PNPLA7: variants seen among roughly 807,000 people sequenced by gnomAD.
PNPLA7 encodes the protein patatin-like phospholipase domain-containing protein 7.
In PNPLA7, 153 loss-of-function variants were observed where a neutral mutation model predicts 161.7. The ratio of observed to expected loss-of-function variants is 0.95; its 90% CI spans 0.83 to 1.08. The LOEUF is 1.08. Among genes scored for constraint, PNPLA7 ranks in the 50% least tolerant of loss-of-function variants. PNPLA7 has a pLI of 0.00. For synonymous variants in PNPLA7, 809 were observed against 782.1 expected (o/e 1.03, Z -0.57); for missense variants, 1,739 against 1,856.6 (o/e 0.94, Z 1.16).
At chr9:137,522,309 C>CT in intron 9 of PNPLA7, among the ~76,000 whole-genome samples, 1 of 145,470 alleles carries the variant, frequency 6.9e-6, no homozygotes, top group Non-Finnish European at 1.5e-5. Flanking sequence ...CTCCTGACCT[C>CT]GTGATCCGCC....
Position 137,524,779 on chromosome 9 carries a change from C to T in PNPLA7, c.748-1922G>A, listed in dbSNP as rs553754972. ...CCGTGGAATGAGTTTCCGTGGATGC[C>T]CCGTGGAATGGGTTTCCGTGGATGC... On this transcript the variant is annotated intron_variant, in intron 8 of 34. Transcript: ENST00000406427. The surrounding 1 kb of genome is among the most constrained non-coding windows in gnomAD (Gnocchi z 4.4). 1.3e-5 allele frequency among the ~76,000 whole-genome samples: 2 copies of T among 151,984 alleles called. No homozygotes were observed. Among genetic ancestry groups the T allele is most frequent in the South Asian group, 4.2e-4 (2 of 4,802 alleles).
At chr9:137,478,798 C>G (rs573780689) in intron 24 of PNPLA7, 193 of 441,654 alleles carry the variant, frequency 4.4e-4, no homozygotes, top group Middle Eastern at 2.5e-3. Context: ...TCAGGCCCAT[C>G]CCCGGGGTTC....
chr9:137,529,721 G>C (rs749482780), intron 8 of PNPLA7, among the ~76,000 whole-genome samples: 18 of 146,572 alleles, frequency 1.2e-4, no homozygotes, highest in African/African-American at 4.1e-4. Flanking sequence ...GTAGTGGCAC[G>C]ATCTCGGCTC....
rs1380330345 is a variant in PNPLA7 at position 137,543,621 on chromosome 9, AC to A, written c.366-50del. The stretch of plus-strand genomic sequence containing the variant: ...CTTGAGCAGACCAGGCGGGTTCGAA[AC>A]CCACAGCATCAGTGGCTGACACACC... On this transcript the variant is annotated intron_variant, in intron 5 of 34. Coordinates refer to ENST00000406427, the MANE Select transcript of PNPLA7 (RefSeq NM_001098537.3). The surrounding 1 kb of genome is among the most constrained non-coding windows in gnomAD (Gnocchi z 6.9). 3 of 1,606,650 alleles carry A rather than the reference AC, an allele frequency of 1.9e-6. No homozygotes were observed. The highest frequency in any genetic ancestry group is 1.7e-6 in the Non-Finnish European group (2 of 1,175,728).
chr9:137,484,369 A>G (rs1271379472), intron 21 of PNPLA7, among the ~76,000 whole-genome samples: 1 of 152,254 alleles, frequency 6.6e-6, no homozygotes, highest in Non-Finnish European at 1.5e-5. Flanking sequence ...ATATAGAATA[A>G]CTTAGAATTT....
intron 25 of PNPLA7, among the ~76,000 whole-genome samples, chr9:137,471,694 C>T (rs141735088): frequency 6.6e-6 from 1 of 151,976 alleles, no homozygotes; most frequent in East Asian, 1.9e-4. Context: ...GACCTCTACA[C>T]TGAAGACCGC....
rs754006148 is a variant in PNPLA7, at chr9:137,460,652, G to A, written c.3927C>T (p.Ala1309=). The A allele has an allele frequency of 6.2e-7, 1 of 1,612,718 alleles. No homozygotes were observed. The stretch of plus-strand genomic sequence containing the variant: ...TCCTCACCAAGTCTGAGCCCTGCTG[G>A]GCTGAGGTGCTCTGGAAGTCTGCGT... ...DAYADFQSTS[A]QQGSDLEDES... is the part of the protein sequence containing the mutation. Residue 1309 remains alanine (A), a synonymous_variant, in exon 34 of 35, where the codon GCC becomes GCT. Transcript: ENST00000406427.
At chr9:137,522,598 C>A in intron 9 of PNPLA7, 131 bp downstream of exon 9, 1 of 1,017,320 alleles carries the variant, frequency 9.8e-7, no homozygotes, top group East Asian at 2.4e-5. Flanking sequence ...TCTGAAATCA[C>A]CTTCATGGCT....
chr9:137,550,071 A>T (rs1332058614), intron 1 of PNPLA7, 97 bp downstream of exon 1: 1 of 1,485,372 alleles, frequency 6.7e-7, no homozygotes, highest in Non-Finnish European at 9.4e-7. Flanking sequence ...ACGGGGCCAA[A>T]GAGCGCGGCA....
At chr9:137,472,933 C>T (rs1332690076) in intron 25 of PNPLA7, among the ~76,000 whole-genome samples, 3 of 149,976 alleles carry the variant, frequency 2.0e-5, no homozygotes, top group Non-Finnish European at 3.0e-5. Flanking sequence ...CCAGCCTGGG[C>T]GACAGAGCAA....
intron 8 of PNPLA7, among the ~76,000 whole-genome samples, chr9:137,532,558 A>G (rs1008619372): frequency 2.6e-5 from 4 of 152,244 alleles, no homozygotes; most frequent in Non-Finnish European, 5.9e-5. Context: ...CTAAGAGTAG[A>G]TAAAAAATGT....
At chr9:137,534,721 G>A (rs951987898) in intron 8 of PNPLA7, among the ~76,000 whole-genome samples, 3 of 152,184 alleles carry the variant, frequency 2.0e-5, no homozygotes, top group African/African-American at 4.8e-5. Flanking sequence ...GGTGGATCAC[G>A]CTGTTTTCGT....
At chr9:137,528,553 A>G (rs917435606) in intron 8 of PNPLA7, among the ~76,000 whole-genome samples, 8 of 152,038 alleles carry the variant, frequency 5.3e-5, no homozygotes, top group African/African-American at 1.7e-4. Context: ...AAGTGCTGGG[A>G]TTACAGGCAT....
chr9:137,544,630 CTTTT>C (rs1049597561), intron 4 of PNPLA7, among the ~76,000 whole-genome samples: 7 of 152,138 alleles, frequency 4.6e-5, no homozygotes, highest in Admixed American at 3.9e-4. Context: ...TCTCAATTTT[CTTTT>C]TGTTTTTTGT....
At chr9:137,545,804 A>G (rs1564373228) in intron 4 of PNPLA7, among the ~76,000 whole-genome samples, 1 of 152,250 alleles carries the variant, frequency 6.6e-6, no homozygotes, top group Admixed American at 6.5e-5. Context: ...CAGGGCCACC[A>G]GAGGGCTCCT....
chr9:137,464,914 G>A (rs913077343), intron 26 of PNPLA7: 14 of 182,660 alleles, frequency 7.7e-5, no homozygotes, highest in Admixed American at 2.7e-4. Context: ...CCCAGCCCTG[G>A]CTCACATGCC....
chr9:137,462,598 G>A, intron 30 of PNPLA7, 87 bp downstream of exon 30: 1 of 1,529,204 alleles, frequency 6.5e-7, no homozygotes, highest in Non-Finnish European at 8.8e-7. Context: ...GAGCCCAGGA[G>A]CGACCCCCAC....
Position 137,505,780 on chromosome 9 carries a change from C to G in PNPLA7, c.1327-20G>C. On this transcript the variant is annotated intron_variant, in intron 13 of 34. Coordinates refer to ENST00000406427, the MANE Select transcript of PNPLA7 (RefSeq NM_001098537.3). ...CCTGGACTGGAGAAGAACGGAGATA[C>G]CGGCAATTCGAAGGGATGTGGTTGG... 1 of 1,612,406 alleles carries G rather than the reference C, an allele frequency of 6.2e-7. No individual in the cohort carries two copies. Among genetic ancestry groups the G allele is most frequent in the Non-Finnish European group, 8.5e-7 (1 of 1,178,794 alleles).
intron 28 of PNPLA7, 33 bp from the exon 29 acceptor site, chr9:137,463,564 G>T (rs750587034): frequency 6.7e-7 from 1 of 1,494,170 alleles, no homozygotes; most frequent in Non-Finnish European, 9.1e-7. Flanking sequence ...CTGGTTACCC[G>T]GAGGAGGCTC....
Sources: allele counts gnomAD v4.1 joint callset (sites outside exome capture counted in the v4.1 genomes callset), GRCh38; gene constraint gnomAD v4.1.1; non-coding constraint Gnocchi (gnomAD v3.1); transcripts MANE v1.5; gene names NCBI Gene and HGNC (gene_info 2026-07-23, HGNC 2026-07-21).